The following CTDP1 variants were observed in gnomAD, a reference collection of about 807,000 sequenced individuals.
The protein encoded by CTDP1 is RNA polymerase II subunit A C-terminal domain phosphatase.
Under a neutral mutation model 91.8 loss-of-function variants are expected in CTDP1, and 47 were observed. The ratio of observed to expected loss-of-function variants is 0.51; its 90% CI spans 0.41 to 0.65. The LOEUF is 0.65. Ranked by LOEUF, CTDP1 falls within the 30% of genes least tolerant of loss-of-function variation. CTDP1 has a pLI of 0.00. For synonymous variants in CTDP1, 656 were observed against 598.5 expected, an observed-to-expected ratio of 1.10 and a Z score of -1.40; for missense variants, 1,272 against 1,373.7, an observed-to-expected ratio of 0.93 and a Z score of 1.17.
At chr18:79,707,561 TTCCAACGTG>T (rs1282642871) in intron 5 of CTDP1, among the ~76,000 whole-genome samples, 6 of 152,212 alleles carry the variant, frequency 3.9e-5, no homozygotes, top group Non-Finnish European at 8.8e-5. Flanking sequence ...AGTTCCAGCA[TTCCAACGTG>T]TCCAAGGGAT....
intron 10 of CTDP1, 108 bp downstream of exon 10, chr18:79,718,124 G>T (rs2086259914): frequency 7.8e-7 from 1 of 1,281,414 alleles, no homozygotes; most frequent in East Asian, 2.5e-5. Context: ...GGCGGGTGGA[G>T]GCTGCAGACG....
rs2085326275 is a variant in CTDP1, at chr18:79,680,106, GGCC to G, written c.166_168del (p.Ala56del). On this transcript the variant is annotated inframe_deletion, in exon 1 of 13. Transcript: ENST00000613122. ...TCGGCTCGGTGCTGGCCGTGTTCGA[GGCC>G]GCCGCCTCCGCGCAGTCCTCCGGGG... 7.1e-7 allele frequency: 1 copy of G among 1,416,142 alleles called. No homozygotes were observed. Among genetic ancestry groups the G allele is most frequent in the South Asian group, 1.4e-5 (1 of 70,128 alleles). 87.7% of individuals were successfully genotyped at this position (1,416,142 alleles called of 1,614,324 possible). A position where few individuals can be genotyped will look rare whatever the true frequency, so the allele number is the denominator to read the frequency against.
In CTDP1 at chr18:79,684,092, C is replaced by T. The variant is rs113101444; in HGVS notation, c.314+3831C>T. 9.8e-4 allele frequency among the ~76,000 whole-genome samples: 149 copies of T among 152,346 alleles called. 1 individual carries two copies. Among genetic ancestry groups the T allele is most frequent in the African/African-American group, 3.3e-3 (137 of 41,578 alleles). ...GCAGCCTGAGTGTGCTAAGCTCAAG[C>T]GTCGCTTGTGTGCCATCACCTTAGT... On this transcript the variant is annotated intron_variant, in intron 1 of 12. Coordinates refer to ENST00000613122, the MANE Select transcript of CTDP1 (RefSeq NM_004715.5).
chr18:79,739,467 G>A (rs936391492), intron 12 of CTDP1, among the ~76,000 whole-genome samples: 4 of 151,668 alleles, frequency 2.6e-5, no homozygotes, highest in Non-Finnish European at 4.4e-5. Context: ...GTGAAACCAC[G>A]CAAGCACGAT....
Position 79,679,990 on chromosome 18 carries a change from C to A in CTDP1, c.43C>A (p.Pro15Thr). The A allele has an allele frequency of 7.5e-7, 1 of 1,341,036 alleles. No individual in the cohort carries two copies. The highest frequency in any genetic ancestry group is 9.6e-7 in the Non-Finnish European group (1 of 1,043,818). The allele number at this position is 1,341,036 out of a possible 1,614,324, so 83.1% of individuals were successfully genotyped here. ...AAGRVPAEGA[P>T]TAAVAEVRCP... ...GGGTCGCGTTCCTGCCGAGGGCGCCCCGACGGCGGCTGTGGCCGAGGTGCG... is the reference window on the plus strand; with the variant it reads ...GGGTCGCGTTCCTGCCGAGGGCGCCACGACGGCGGCTGTGGCCGAGGTGCG... The change falls in exon 1 of 13, where the codon CCG becomes ACG. Residue 15 changes from proline (P) to threonine (T), a missense_variant. Pro to Thr is a conservative substitution (Grantham distance 38, BLOSUM62 -1). Around this residue, in one of 3 missense-constraint regions of CTDP1, gnomAD observed 214 missense variants for 179.1 expected, o/e 1.19. Coordinates refer to ENST00000613122, the MANE Select transcript of CTDP1 (RefSeq NM_004715.5).
chr18:79,681,382 G>A (rs2122337892), intron 1 of CTDP1: 3 of 884,496 alleles, frequency 3.4e-6, no homozygotes, highest in Non-Finnish European at 4.1e-6. Flanking sequence ...GGCACTGGCC[G>A]TACCTGGGAG....
chr18:79,707,729 G>A (rs183506137), intron 5 of CTDP1, among the ~76,000 whole-genome samples: 24 of 152,340 alleles, frequency 1.6e-4, no homozygotes, highest in African/African-American at 3.1e-4. Context: ...CAGGAAGGCC[G>A]AGCTTTGCTT....
At chr18:79,729,728 G>A (rs2086527053) in intron 11 of CTDP1, among the ~76,000 whole-genome samples, 1 of 152,208 alleles carries the variant, frequency 6.6e-6, no homozygotes, top group African/African-American at 2.4e-5. Context: ...CGGATGTTAG[G>A]GATGGGCGAT....
intron 1 of CTDP1, among the ~76,000 whole-genome samples, chr18:79,688,128 G>A (rs116482217): frequency 0.014 from 2,204 of 152,380 alleles, 64 homozygotes; most frequent in African/African-American, 0.051. Context: ...GGATGGCTGC[G>A]TCTGGGCTCT....
chr18:79,752,146 G>A (rs1024915730), intron 12 of CTDP1, among the ~76,000 whole-genome samples: 17 of 152,274 alleles, frequency 1.1e-4, no homozygotes, highest in Non-Finnish European at 8.8e-5. Flanking sequence ...GTCGGCTCAC[G>A]TCACAGAAAC....
chr18:79,693,697 C>A (rs1402834180), intron 1 of CTDP1, among the ~76,000 whole-genome samples: 1 of 152,168 alleles, frequency 6.6e-6, no homozygotes, highest in Non-Finnish European at 1.5e-5. Context: ...GGGCTCGGAG[C>A]CCCGCACCGT....
rs775001786 is a variant in CTDP1, at chr18:79,715,156, G to A, written c.1696G>A (p.Val566Ile). 2 of 1,613,390 alleles carry A rather than the reference G, an allele frequency of 1.2e-6. No individual in the cohort carries two copies. The highest frequency in any genetic ancestry group is 3.3e-5 in the Admixed American group (2 of 59,954). ...GTCACAGAACAGCGAGCTGTCGGGG[G>A]TCACTGCGGGTGAGTCCCTGGACCA... Reference protein sequence around the residue: ...TESQNSELSGVTAGESLDQSM... With the variant: ...TESQNSELSGITAGESLDQSM... The change falls in exon 8 of 13, where the codon GTC becomes ATC. Residue 566 changes from valine to isoleucine, a missense_variant. Physicochemically the swap from Val to Ile is conservative, Grantham distance 29 (BLOSUM62 3). This residue lies in a region of CTDP1 where 881 missense variants were observed against 911.6 expected (regional missense o/e 0.97). Transcript: ENST00000613122.
upstream of CTDP1, chr18:79,678,151 A>C (rs946935603): frequency 2.0e-5 from 3 of 152,236 alleles, no homozygotes; most frequent in African/African-American, 7.2e-5. Flanking sequence ...TACCACATTT[A>C]AATGGTTTTG....
chr18:79,750,863 A>G (rs980440056), intron 12 of CTDP1, among the ~76,000 whole-genome samples: 1 of 150,438 alleles, frequency 6.6e-6, no homozygotes, highest in Non-Finnish European at 1.5e-5. Flanking sequence ...AAAGGATCTC[A>G]TGGATCCAGG....
At chr18:79,679,162 G>A, upstream of CTDP1, 1 of 313,950 alleles carries the variant, frequency 3.2e-6, no homozygotes, top group Non-Finnish European at 6.3e-6. Flanking sequence ...CGGGCGCCTT[G>A]CCCCAGACGG....
intron 12 of CTDP1, among the ~76,000 whole-genome samples, chr18:79,742,170 A>G (rs1788660): frequency 8.9e-5 from 9 of 101,512 alleles, no homozygotes; most frequent in African/African-American, 3.3e-4. Context: ...CAGCAGAGGA[A>G]GCATGAAGCA....
chr18:79,705,528 G>A (rs912174208), intron 5 of CTDP1, among the ~76,000 whole-genome samples: 3 of 151,778 alleles, frequency 2.0e-5, no homozygotes, highest in South Asian at 2.1e-4. Context: ...GACAGCGACC[G>A]TCTGTTCCAC....
At chr18:79,687,861 G>C (rs1431328474) in intron 1 of CTDP1, among the ~76,000 whole-genome samples, 1 of 152,224 alleles carries the variant, frequency 6.6e-6, no homozygotes, top group South Asian at 2.1e-4. Flanking sequence ...CCAGCAGAGA[G>C]GGCAGTAGGG....
At chr18:79,707,376 A>G (rs2085987809) in intron 5 of CTDP1, among the ~76,000 whole-genome samples, 1 of 152,236 alleles carries the variant, frequency 6.6e-6, no homozygotes, top group African/African-American at 2.4e-5. Flanking sequence ...GCATCCATGC[A>G]GACATCCGCA....
Sources: allele counts gnomAD v4.1 joint callset (sites outside exome capture counted in the v4.1 genomes callset), GRCh38; gene constraint gnomAD v4.1.1; regional missense constraint gnomAD v4.1.1; transcripts MANE v1.5; gene names NCBI Gene and HGNC (gene_info 2026-07-23, HGNC 2026-07-21).